RAD54B: variants seen among roughly 807,000 people sequenced by gnomAD.
RAD54B encodes RAD54 homolog B.
In RAD54B, 78 loss-of-function variants were observed where a neutral mutation model predicts 95.8. The observed-to-expected ratio is 0.81, with a 90% CI of 0.68 to 0.98. The LOEUF (loss-of-function observed/expected upper bound fraction) is 0.98. Among genes scored for constraint, RAD54B ranks in the 50% least tolerant of loss-of-function variants. The probability of loss-of-function intolerance (pLI) is 0.00; values close to 1 mark genes in which losing one functional copy is unlikely to be tolerated. For synonymous variants in RAD54B, 328 were observed against 354.9 expected (o/e 0.92, Z 0.85); for missense variants, 957 against 1,056.6 (o/e 0.91, Z 1.31).
intron 2 of RAD54B, among the ~76,000 whole-genome samples, chr8:94,464,992 C>T (rs983181203): frequency 5.3e-5 from 8 of 152,134 alleles, no homozygotes; most frequent in Admixed American, 2.0e-4. Flanking sequence ...ATGAAAACAG[C>T]ACCAAGCCAT....
At chr8:94,438,303 A>T (rs1458588264) in intron 3 of RAD54B, among the ~76,000 whole-genome samples, 1 of 152,230 alleles carries the variant, frequency 6.6e-6, no homozygotes, top group Non-Finnish European at 1.5e-5. Context: ...AGATTGCTGG[A>T]TGTTCTACGG....
At chr8:94,455,046 CT>C (rs1457421619) in intron 3 of RAD54B, among the ~76,000 whole-genome samples, 1 of 152,212 alleles carries the variant, frequency 6.6e-6, no homozygotes, top group Non-Finnish European at 1.5e-5. Context: ...CTCTAGCCCC[CT>C]ACCATTCCTC....
chr8:94,404,598 A>AT (rs1307389178), intron 5 of RAD54B, among the ~76,000 whole-genome samples: 2 of 152,180 alleles, frequency 1.3e-5, no homozygotes, highest in African/African-American at 4.8e-5. Context: ...ACAGGTTGGA[A>AT]TTTTGCCAAG....
intron 1 of RAD54B, among the ~76,000 whole-genome samples, chr8:94,469,287 C>G (rs1030960781): frequency 3.3e-5 from 5 of 152,172 alleles, no homozygotes; most frequent in Non-Finnish European, 7.3e-5. Flanking sequence ...AGGGCCTATT[C>G]TCGTGGTAGT....
intron 3 of RAD54B, chr8:94,427,897 A>G (rs1477179910): frequency 2.1e-6 from 2 of 938,934 alleles, no homozygotes; most frequent in South Asian, 4.9e-5. Context: ...ACATTTTCAC[A>G]TAAGTAAAGA....
intron 5 of RAD54B, among the ~76,000 whole-genome samples, chr8:94,405,966 G>T (rs908988614): frequency 2.0e-5 from 3 of 149,018 alleles, no homozygotes; most frequent in Admixed American, 1.3e-4. Flanking sequence ...AAATACATAA[G>T]AATAATTAAC....
chr8:94,468,962 A>AAAAAAC (rs1392618521), intron 1 of RAD54B, among the ~76,000 whole-genome samples: 1 of 152,060 alleles, frequency 6.6e-6, no homozygotes, highest in African/African-American at 2.4e-5. Context: ...ACTTCAACTG[A>AAAAAAC]AAAAACAAAA....
intron 3 of RAD54B, chr8:94,428,851 CAAAAAAGAAG>C: frequency 1.0e-6 from 1 of 982,940 alleles, no homozygotes; most frequent in Non-Finnish European, 1.2e-6. Flanking sequence ...AGTCTCAATA[CAAAAAAGAAG>C]AAAAAAAAAG....
chr8:94,429,393 T>C, intron 3 of RAD54B: 1 of 822,042 alleles, frequency 1.2e-6, no homozygotes, highest in South Asian at 5.6e-5. Context: ...TATACTGCAC[T>C]TTTTTTTAAC....
intron 3 of RAD54B, among the ~76,000 whole-genome samples, chr8:94,414,239 G>C (rs1053087918): frequency 6.6e-6 from 1 of 152,172 alleles, no homozygotes; most frequent in African/African-American, 2.4e-5. Flanking sequence ...GAGACAGTGA[G>C]GTTTTCTAGA....
intron 3 of RAD54B, among the ~76,000 whole-genome samples, chr8:94,443,279 A>G (rs1426924692): frequency 6.6e-6 from 1 of 152,170 alleles, no homozygotes; most frequent in Non-Finnish European, 1.5e-5. Context: ...ATGAGAACGC[A>G]TGGACACATT....
At chr8:94,383,629 G>C (rs1032145204) in intron 11 of RAD54B, among the ~76,000 whole-genome samples, 11 of 152,184 alleles carry the variant, frequency 7.2e-5, no homozygotes, top group African/African-American at 2.7e-4. Flanking sequence ...CTTTATCACT[G>C]GTATGAATAT....
intron 3 of RAD54B, among the ~76,000 whole-genome samples, chr8:94,446,629 T>C (rs143769403): frequency 1.4e-4 from 22 of 152,308 alleles, no homozygotes; most frequent in Admixed American, 2.6e-4. Context: ...TTCCCTCCTG[T>C]CTCCTATTTC....
intron 3 of RAD54B, among the ~76,000 whole-genome samples, chr8:94,422,601 AAAAAAAAAAAAAAAAAAT>A (rs1811833086): frequency 1.1e-5 from 1 of 93,292 alleles, no homozygotes; most frequent in Admixed American, 1.1e-4. Flanking sequence ...AAAAAAAAAA[AAAAAAAAAAAAAAAAAAT>A]ATATATATAT....
chr8:94,437,697 T>C (rs76734376), intron 3 of RAD54B, among the ~76,000 whole-genome samples: 1,856 of 152,348 alleles, frequency 0.012, 17 homozygotes, highest in South Asian at 0.02. Context: ...TCACTGTTCA[T>C]GGTGAGAAAC....
chr8:94,463,893 C>CAAAAAA (rs553168595), intron 2 of RAD54B, among the ~76,000 whole-genome samples: 13 of 90,962 alleles, frequency 1.4e-4, no homozygotes, highest in Admixed American at 3.7e-4. Context: ...GACCCTATCT[C>CAAAAAA]AAAAAAAAAA....
chr8:94,378,197 C>A lies in RAD54B; in HGVS notation c.2498G>T (p.Gly833Val). ...TAACTAACCTGTATGAACTTCTTCTCCTGTACACTCACAGTCAAGCAGATC... is the reference window on the plus strand; with the variant it reads ...TAACTAACCTGTATGAACTTCTTCTACTGTACACTCACAGTCAAGCAGATC... ...THDLLDCECTGEEVHTGDSLE... is the reference protein window; with the variant it reads ...THDLLDCECTVEEVHTGDSLE... The change falls in exon 14 of 15, where the codon GGA becomes GTA. Residue 833 changes from glycine (G) to valine (V), a missense_variant. Transcript: ENST00000336148. 6.2e-7 allele frequency: 1 copy of A among 1,610,782 alleles called. No homozygotes were observed. The highest frequency in any genetic ancestry group is 1.1e-5 in the South Asian group (1 of 90,564).
intron 6 of RAD54B, among the ~76,000 whole-genome samples, chr8:94,401,071 C>A (rs1185792582): frequency 6.6e-6 from 1 of 151,986 alleles, no homozygotes; most frequent in Non-Finnish European, 1.5e-5. Flanking sequence ...TATTTTTATG[C>A]CACTTTATAT....
chr8:94,457,251 G>T (rs989123933), intron 3 of RAD54B, among the ~76,000 whole-genome samples: 6 of 152,116 alleles, frequency 3.9e-5, no homozygotes, highest in Non-Finnish European at 8.8e-5. Flanking sequence ...GGGAAAATAG[G>T]GAGGAAAGAA....
Sources: allele counts gnomAD v4.1 joint callset (sites outside exome capture counted in the v4.1 genomes callset), GRCh38; gene constraint gnomAD v4.1.1; transcripts MANE v1.5; gene names NCBI Gene and HGNC (gene_info 2026-07-23, HGNC 2026-07-21).